SVEP1: variants seen among roughly 807,000 people sequenced by gnomAD.
SVEP1 encodes sushi, von Willebrand factor type A, EGF and pentraxin domain containing 1.
SVEP1 carries 164 observed loss-of-function variants against 367.3 expected under a neutral mutation model. The observed-to-expected ratio is 0.45, with a 90% confidence interval of 0.39 to 0.51. The LOEUF is 0.51. SVEP1 is among the 20% of genes least tolerant of loss of function. The pLI, the probability that SVEP1 is intolerant of heterozygous loss-of-function variation, is 0.00. For synonymous variants in SVEP1, 1,666 were observed against 1,611.6 expected (o/e 1.03, Z -0.81); for missense variants, 4,117 against 4,425.3 (o/e 0.93, Z 1.98).
chr9:110,571,037 C>T (rs762954907), intron 1 of SVEP1, among the ~76,000 whole-genome samples: 16 of 142,890 alleles, frequency 1.1e-4, no homozygotes, highest in East Asian at 4.4e-4. Flanking sequence ...AGTTCAATGA[C>T]GCGATCTCAA....
At chr9:110,508,465 G>C (rs535606716) in intron 5 of SVEP1, among the ~76,000 whole-genome samples, 1 of 152,140 alleles carries the variant, frequency 6.6e-6, no homozygotes, top group Admixed American at 6.5e-5. Flanking sequence ...TGTTTAGAAA[G>C]AAATGCAGAA....
Position 110,579,532 on chromosome 9 carries a change from G to A in SVEP1, c.12C>T (p.Arg4=), listed in dbSNP as rs962923397. 3 of 1,600,258 alleles carry A rather than the reference G, an allele frequency of 1.9e-6. No individual in the cohort carries two copies. The African/African-American group carries it at 4.0e-5, about 22-fold the overall frequency. The change falls in exon 1 of 48, where the codon CGC becomes CGT. Residue 4 remains arginine, a synonymous_variant. Transcript: ENST00000374469. The surrounding 1 kb of genome is among the most constrained non-coding windows in gnomAD (Gnocchi z 5.3). ...CCAGACCCCAGCAACAAAAGGCCAG[G>A]CGAGGCCACATCGCGCTGGAGACAG... MWP[R]LAFCCWGLAL...
intron 44 of SVEP1, among the ~76,000 whole-genome samples, chr9:110,378,358 T>C (rs1248275154): frequency 2.0e-5 from 3 of 152,216 alleles, no homozygotes; most frequent in African/African-American, 7.2e-5. Flanking sequence ...CCTCTTTCTC[T>C]TGCAATAGCC....
At chr9:110,441,820 T>C (rs1828513651) in intron 27 of SVEP1, among the ~76,000 whole-genome samples, 1 of 152,156 alleles carries the variant, frequency 6.6e-6, no homozygotes, top group East Asian at 1.9e-4. Flanking sequence ...ATTACTTCTT[T>C]CTGCTCGTGA....
chr9:110,509,097 G>A (rs897653643), intron 5 of SVEP1, among the ~76,000 whole-genome samples: 6 of 151,922 alleles, frequency 3.9e-5, no homozygotes, highest in African/African-American at 7.3e-5. Flanking sequence ...CCTACCCAAC[G>A]GCCATATTTC....
At chr9:110,368,260 G>C (rs1157687649) in intron 47 of SVEP1, among the ~76,000 whole-genome samples, 1 of 152,090 alleles carries the variant, frequency 6.6e-6, no homozygotes, top group Non-Finnish European at 1.5e-5. Flanking sequence ...CTGTCCTTGG[G>C]TTCCATACAA....
At chr9:110,541,723 C>T (rs1199121096) in intron 3 of SVEP1, among the ~76,000 whole-genome samples, 2 of 150,794 alleles carry the variant, frequency 1.3e-5, no homozygotes, top group African/African-American at 2.4e-5. Context: ...CACATACACA[C>T]ATGCAATCTA....
chr9:110,546,028 C>T (rs1000912568), intron 3 of SVEP1, 87 bp downstream of exon 3: 4 of 1,443,506 alleles, frequency 2.8e-6, no homozygotes, highest in Non-Finnish European at 3.8e-6. Flanking sequence ...TGAGCAATAA[C>T]AAGCATGTAT....
At chr9:110,463,993 TTTAG>T (rs1271544518) in intron 18 of SVEP1, among the ~76,000 whole-genome samples, 1 of 152,108 alleles carries the variant, frequency 6.6e-6, no homozygotes, top group African/African-American at 2.4e-5. Flanking sequence ...ATTATAATAA[TTTAG>T]TATTAGACAA....
chr9:110,572,774 CCTCT>C lies in SVEP1; in HGVS notation c.531+6235_531+6238del, dbSNP rs1428977108. On this transcript the variant is annotated intron_variant, in intron 1 of 47. Coordinates refer to ENST00000374469, the MANE Select transcript of SVEP1 (RefSeq NM_153366.4). The stretch of plus-strand genomic sequence containing the variant: ...TCCAGCCTGGGTGACAGAGGGTGAC[CCTCT>C]CTCTCTCTCACAAAAAAAAAAAAAA... Among the ~76,000 whole-genome samples, 7 of 108,574 alleles carry C rather than the reference CCTCT, an allele frequency of 6.4e-5. No individual in the cohort carries two copies. In the East Asian group the frequency reaches 1.1e-3, roughly 17 times the overall value. 71.2% of individuals were successfully genotyped at this position (108,574 alleles called of 152,430 possible).
chr9:110,366,622 A>T, intron 47 of SVEP1, 62 bp from the exon 48 acceptor site: 1 of 1,466,990 alleles, frequency 6.8e-7, no homozygotes, highest in Non-Finnish European at 9.1e-7. Flanking sequence ...TGAAGAGCTA[A>T]CATCTCTTTA....
At chr9:110,467,551 T>A (rs533243856) in intron 17 of SVEP1, among the ~76,000 whole-genome samples, 1 of 152,172 alleles carries the variant, frequency 6.6e-6, no homozygotes, top group South Asian at 2.1e-4. Flanking sequence ...TGGTTTAGTA[T>A]CGTACCCCTG....
chr9:110,512,702 T>C, intron 5 of SVEP1: 2 of 581,244 alleles, frequency 3.4e-6, no homozygotes, highest in East Asian at 3.2e-5. Flanking sequence ...GGCAAACTTT[T>C]TCTTTGCTTG....
chr9:110,572,083 C>G (rs554628327), intron 1 of SVEP1, among the ~76,000 whole-genome samples: 1 of 150,670 alleles, frequency 6.6e-6, no homozygotes, highest in African/African-American at 2.4e-5. Context: ...GCTTTTGATA[C>G]CTACCTCCAA....
intron 38 of SVEP1, among the ~76,000 whole-genome samples, chr9:110,404,871 A>G (rs1827932260): frequency 6.6e-6 from 1 of 152,110 alleles, no homozygotes; most frequent in African/African-American, 2.4e-5. Context: ...TAAAAAATAA[A>G]CAAAATTAGC....
chr9:110,404,102 C>A (rs746447274), intron 39 of SVEP1, among the ~76,000 whole-genome samples: 64 of 152,198 alleles, frequency 4.2e-4, no homozygotes, highest in South Asian at 6.2e-4. Flanking sequence ...TTATAGAAAT[C>A]TTAATATTTT....
At chr9:110,436,277 C>A in intron 28 of SVEP1, 103 bp downstream of exon 28, 1 of 1,424,196 alleles carries the variant, frequency 7.0e-7, no homozygotes, top group Non-Finnish European at 9.5e-7. Context: ...ATTCTGATAA[C>A]CAAGAGCTTA....
chr9:110,536,107 T>C (rs1244586631), intron 3 of SVEP1, among the ~76,000 whole-genome samples: 1 of 152,080 alleles, frequency 6.6e-6, no homozygotes, highest in Non-Finnish European at 1.5e-5. Context: ...ATGGCTCTTA[T>C]TAGTTTGAGG....
chr9:110,576,167 T>C (rs552919806), intron 1 of SVEP1, among the ~76,000 whole-genome samples: 1 of 152,246 alleles, frequency 6.6e-6, no homozygotes, highest in South Asian at 2.1e-4. Flanking sequence ...ATTAGAGATA[T>C]GGACAAAGAT....
Sources: allele counts gnomAD v4.1 joint callset (sites outside exome capture counted in the v4.1 genomes callset), GRCh38; gene constraint gnomAD v4.1.1; non-coding constraint Gnocchi (gnomAD v3.1); transcripts MANE v1.5; gene names NCBI Gene and HGNC (gene_info 2026-07-23, HGNC 2026-07-21).